The following ANKDD1A variants were observed in gnomAD, a reference collection of about 807,000 sequenced individuals.
ANKDD1A encodes the protein ankyrin repeat and death domain containing 1A.
A neutral mutation model predicts 63.5 loss-of-function variants in ANKDD1A; 59 were observed. The observed-to-expected ratio is 0.93, with a 90% CI of 0.75 to 1.15. ANKDD1A has a LOEUF of 1.15. ANKDD1A is among the 50% of genes most tolerant of loss of function. ANKDD1A has a pLI of 0.00. For missense variants in ANKDD1A, 632 were observed against 656.4 expected (o/e 0.96, Z 0.41); for synonymous variants, 266 against 263.9 (o/e 1.01, Z -0.08).
chr15:64,931,883 C>T (rs2085094194), intron 8 of ANKDD1A: 2 of 510,962 alleles, frequency 3.9e-6, no homozygotes, highest in African/African-American at 1.9e-5. Flanking sequence ...ACCTCAATAC[C>T]TGTTAGTGTT....
At chr15:64,937,834 G>A (rs1276864239) in intron 9 of ANKDD1A, among the ~76,000 whole-genome samples, 1 of 152,178 alleles carries the variant, frequency 6.6e-6, no homozygotes, top group Non-Finnish European at 1.5e-5. Flanking sequence ...CAAAGCAGGT[G>A]CAAATTCTCT....
intron 9 of ANKDD1A, among the ~76,000 whole-genome samples, chr15:64,939,643 G>A (rs938654519): frequency 6.6e-6 from 1 of 152,108 alleles, no homozygotes; most frequent in African/African-American, 2.4e-5. Flanking sequence ...AAAATATAAA[G>A]CTGCAGAACA....
chr15:64,953,849 CT>C (rs797038005), intron 14 of ANKDD1A, among the ~76,000 whole-genome samples: 71,715 of 113,658 alleles, frequency 0.63, 19,974 homozygotes, highest in East Asian at 0.86. Flanking sequence ...TTCTTTTCTT[CT>C]TTCCTCTTCT....
intron 11 of ANKDD1A, chr15:64,943,797 C>A (rs1454106876): frequency 1.9e-5 from 11 of 586,916 alleles, no homozygotes; most frequent in Middle Eastern, 4.5e-4. Flanking sequence ...TTGGCCCACC[C>A]CCCTCTGGTA....
chr15:64,931,595 C>T lies in ANKDD1A; in HGVS notation c.768+10C>T. ...GAATGCCCTCACCCAGGTAGCCAGG[C>T]CCTCCCAAGACTGCGGTCGGCTCTT... On this transcript the variant is annotated intron_variant, in intron 8 of 14. Transcript: ENST00000319580. 6.2e-7 allele frequency: 1 copy of T among 1,613,530 alleles called. No homozygotes were observed. The highest frequency in any genetic ancestry group is 8.5e-7 in the Non-Finnish European group (1 of 1,179,940).
At chr15:64,951,521 TTC>T (rs1260518611) in intron 14 of ANKDD1A, 1 of 104,042 alleles carries the variant, frequency 9.6e-6, no homozygotes, top group African/African-American at 3.3e-5. Context: ...TCTTCCTGTT[TTC>T]TTCTTCCTCT....
chr15:64,954,063 TTTC>T (rs1343303419), intron 14 of ANKDD1A, among the ~76,000 whole-genome samples: 6 of 32,270 alleles, frequency 1.9e-4, no homozygotes, highest in African/African-American at 3.5e-4. Flanking sequence ...CTCCTTCTTC[TTTC>T]TTCTTCCTCT....
At chr15:64,945,630 A>ATATATG (rs1188413566) in intron 12 of ANKDD1A, among the ~76,000 whole-genome samples, 1 of 46,156 alleles carries the variant, frequency 2.2e-5, no homozygotes, top group Non-Finnish European at 3.7e-5. Flanking sequence ...ATATATATAT[A>ATATATG]TGAACTTTTT....
intron 14 of ANKDD1A, among the ~76,000 whole-genome samples, chr15:64,953,945 T>TTCC (rs2085366815): frequency 7.1e-4 from 63 of 88,810 alleles, no homozygotes; most frequent in South Asian, 4.2e-3. Context: ...TTTCTTCCTC[T>TTCC]TCTTCTATTG....
Position 64,947,568 on chromosome 15 carries a change from C to T in ANKDD1A, c.1326C>T (p.Val442=), listed in dbSNP as rs2277539. The T allele has an allele frequency of 1.1e-3, 1,784 of 1,614,048 alleles. 21 individuals are homozygous for T. The East Asian group carries it at 0.03, about 27-fold the overall frequency. Residue 442 remains valine (V), a synonymous_variant, in exon 13 of 15, where the codon GTC becomes GTT. Coordinates refer to ENST00000319580, the MANE Select transcript of ANKDD1A (RefSeq NM_182703.6). ...CCTGGGAGTTCACGGAGGCACATGTCGACGCCATCGAGCAACAGTGGACAG... is the reference window on the plus strand; with the variant it reads ...CCTGGGAGTTCACGGAGGCACATGTTGACGCCATCGAGCAACAGTGGACAG... The part of the protein sequence containing the change: ...AYSWEFTEAH[V]DAIEQQWTGT...
intron 14 of ANKDD1A, among the ~76,000 whole-genome samples, chr15:64,954,465 CCTT>C (rs145085204): frequency 0.32 from 45,443 of 143,730 alleles, 8,139 homozygotes; most frequent in South Asian, 0.46. Context: ...TCCCTCTTCT[CCTT>C]CTTCCTCTTT....
intron 1 of ANKDD1A, among the ~76,000 whole-genome samples, chr15:64,912,578 G>C (rs1478932727): frequency 1.3e-5 from 2 of 152,228 alleles, no homozygotes; most frequent in Admixed American, 6.5e-5. Context: ...CCTCTAGGCC[G>C]GGCAGCAGCG....
At chr15:64,956,709 T>C (rs991661928) in intron 14 of ANKDD1A, among the ~76,000 whole-genome samples, 1 of 152,058 alleles carries the variant, frequency 6.6e-6, no homozygotes, top group Admixed American at 6.6e-5. Flanking sequence ...GCACACACCA[T>C]CATGCCCGGC....
chr15:64,927,824 C>A (rs2085058882), intron 6 of ANKDD1A, among the ~76,000 whole-genome samples: 1 of 152,106 alleles, frequency 6.6e-6, no homozygotes, highest in Non-Finnish European at 1.5e-5. Flanking sequence ...CCAGGATGAT[C>A]TTGATCTCCT....
intron 6 of ANKDD1A, 101 bp from the exon 7 acceptor site, chr15:64,930,721 A>C: frequency 8.8e-7 from 1 of 1,131,138 alleles, no homozygotes; most frequent in Non-Finnish European, 1.3e-6. Flanking sequence ...TGTCAGGAGC[A>C]GGGTGGCACT....
chr15:64,954,028 T>C (rs1445116570), intron 14 of ANKDD1A, among the ~76,000 whole-genome samples: 7,321 of 120,478 alleles, frequency 0.061, 604 homozygotes, highest in East Asian at 0.19. Flanking sequence ...CCTCTTCTTT[T>C]CTTTCTTCTT....
chr15:64,952,621 T>C (rs2085314515), intron 14 of ANKDD1A, among the ~76,000 whole-genome samples: 1 of 136,510 alleles, frequency 7.3e-6, no homozygotes, highest in South Asian at 2.3e-4. Flanking sequence ...CTCCTCTCCT[T>C]CTTCGTCTTT....
chr15:64,943,253 C>A, intron 10 of ANKDD1A: 1 of 494,498 alleles, frequency 2.0e-6, no homozygotes. Flanking sequence ...TCAAAAATGG[C>A]GTTTATCAGA....
intron 6 of ANKDD1A, among the ~76,000 whole-genome samples, 183 bp downstream of exon 6, chr15:64,927,182 G>A (rs925121107): frequency 1.3e-5 from 2 of 152,268 alleles, no homozygotes; most frequent in African/African-American, 4.8e-5. Context: ...CTATGGGCCA[G>A]CCCTGTGCTA....
Sources: gnomAD v4.1 joint callset for allele counts (sites outside exome capture counted in the v4.1 genomes callset) on GRCh38, gnomAD v4.1.1 for gene constraint, MANE v1.5 for transcripts, NCBI Gene and HGNC (gene_info 2026-07-23, HGNC 2026-07-21) for gene names.